Variants in LHFPL4 observed in about 807,000 individuals in gnomAD.
The protein encoded by LHFPL4 is LHFPL tetraspan subfamily member 4 protein.
In LHFPL4, 6 loss-of-function variants were observed where a neutral mutation model predicts 20.0. The ratio of observed to expected loss-of-function variants is 0.30; its 90% confidence interval spans 0.16 to 0.59. LHFPL4 has a LOEUF of 0.59. Among genes scored for constraint, LHFPL4 ranks in the 20% least tolerant of loss-of-function variants. The pLI is 0.88. For synonymous variants in LHFPL4, 129 were observed against 143.8 expected, an observed-to-expected ratio of 0.90 and a Z score of 0.74; for missense variants, 215 against 331.2, an observed-to-expected ratio of 0.65 and a Z score of 2.72.
intron 2 of LHFPL4, among the ~76,000 whole-genome samples, chr3:9,514,639 A>G (rs779974731): frequency 4.6e-5 from 7 of 152,200 alleles, no homozygotes; most frequent in South Asian, 2.1e-4. Flanking sequence ...TGCCCTAAAA[A>G]ATCCTCTGTG....
intron 2 of LHFPL4, among the ~76,000 whole-genome samples, chr3:9,543,941 T>C (rs2046495300): frequency 6.6e-6 from 1 of 152,040 alleles, no homozygotes; most frequent in Admixed American, 6.6e-5. Context: ...CAGGCTGGTC[T>C]CAAACTCCTG....
intron 2 of LHFPL4, among the ~76,000 whole-genome samples, chr3:9,552,010 T>C (rs1317401729): frequency 2.6e-5 from 4 of 152,080 alleles, no homozygotes; most frequent in African/African-American, 9.7e-5. Context: ...ACTAACTTAA[T>C]GCTAACCGAG....
chr3:9,551,744 T>C (rs1486158936), intron 2 of LHFPL4, among the ~76,000 whole-genome samples: 1 of 152,106 alleles, frequency 6.6e-6, no homozygotes, highest in African/African-American at 2.4e-5. Context: ...TCACAGCATT[T>C]TAAAGGTTAC....
intron 2 of LHFPL4, among the ~76,000 whole-genome samples, chr3:9,548,321 C>T (rs2046530543): frequency 6.6e-6 from 1 of 152,170 alleles, no homozygotes; most frequent in South Asian, 2.1e-4. Context: ...ATAATGATAA[C>T]AGTCATAGCA....
At chr3:9,536,192 G>A (rs2046443269) in intron 2 of LHFPL4, among the ~76,000 whole-genome samples, 1 of 152,222 alleles carries the variant, frequency 6.6e-6, no homozygotes, top group Non-Finnish European at 1.5e-5. Flanking sequence ...GGAGAAGGAA[G>A]TTCGGGAAGT....
intron 2 of LHFPL4, among the ~76,000 whole-genome samples, chr3:9,533,597 ATG>A (rs2046425014): frequency 6.6e-6 from 1 of 152,204 alleles, no homozygotes; most frequent in Non-Finnish European, 1.5e-5. Context: ...CCTGGCTAAC[ATG>A]ATGAAACCCC....
At chr3:9,526,807 G>C (rs1030385437) in intron 2 of LHFPL4, among the ~76,000 whole-genome samples, 1 of 152,188 alleles carries the variant, frequency 6.6e-6, no homozygotes, top group Non-Finnish European at 1.5e-5. Context: ...ACAAAGGAAG[G>C]CTGACAGCCA....
intron 2 of LHFPL4, among the ~76,000 whole-genome samples, chr3:9,530,969 T>A (rs568128629): frequency 1.2e-4 from 19 of 152,284 alleles, no homozygotes; most frequent in African/African-American, 4.3e-4. Context: ...TTAGAGGCCA[T>A]AACAGGGTTA....
At chr3:9,502,337 G>A (rs774477822) in intron 3 of LHFPL4, 26 bp from the exon 4 acceptor site, 2 of 1,405,462 alleles carry the variant, frequency 1.4e-6, no homozygotes, top group Non-Finnish European at 2.0e-6. Flanking sequence ...AGAGAGAGAA[G>A]GAGAGAGAAT....
At chr3:9,510,123 TGC>T (rs1394118369) in intron 2 of LHFPL4, among the ~76,000 whole-genome samples, 1 of 152,202 alleles carries the variant, frequency 6.6e-6, no homozygotes, top group African/African-American at 2.4e-5. Flanking sequence ...ACCCACCAGA[TGC>T]CAGGGGCACC....
intron 2 of LHFPL4, among the ~76,000 whole-genome samples, chr3:9,527,036 A>G (rs1172699181): frequency 1.3e-5 from 2 of 152,142 alleles, no homozygotes; most frequent in African/African-American, 4.8e-5. Context: ...GGAAGGAGAC[A>G]GAAGGAAGGA....
At chr3:9,519,534 C>T (rs981709653) in intron 2 of LHFPL4, among the ~76,000 whole-genome samples, 4 of 152,142 alleles carry the variant, frequency 2.6e-5, no homozygotes, top group African/African-American at 7.2e-5. Flanking sequence ...GATGCTCTAA[C>T]TTTTGTTTCT....
chr3:9,535,217 G>C (rs1401627249), intron 2 of LHFPL4, among the ~76,000 whole-genome samples: 1 of 152,220 alleles, frequency 6.6e-6, no homozygotes, highest in African/African-American at 2.4e-5. Flanking sequence ...TGTTCACACA[G>C]TGACAGCAAA....
At chr3:9,509,275 G>C (rs1438050576) in intron 2 of LHFPL4, among the ~76,000 whole-genome samples, 1 of 130,876 alleles carries the variant, frequency 7.6e-6, no homozygotes, top group Non-Finnish European at 1.5e-5. Flanking sequence ...TGTCTACCTA[G>C]TGCTCAAGTC....
intron 2 of LHFPL4, among the ~76,000 whole-genome samples, chr3:9,509,247 CTCT>C (rs2046241630): frequency 1.6e-5 from 2 of 126,028 alleles, no homozygotes; most frequent in East Asian, 2.8e-4. Context: ...TCGCACCCCC[CTCT>C]CTCTCTCTCT....
chr3:9,521,027 A>G (rs2046333769), intron 2 of LHFPL4, among the ~76,000 whole-genome samples: 1 of 152,212 alleles, frequency 6.6e-6, no homozygotes, highest in South Asian at 2.1e-4. Flanking sequence ...CTACAAGAGT[A>G]GATGCATCTA....
chr3:9,510,269 T>A (rs1042201729), intron 2 of LHFPL4, among the ~76,000 whole-genome samples: 2 of 151,750 alleles, frequency 1.3e-5, no homozygotes, highest in African/African-American at 4.8e-5. Flanking sequence ...TGGGGCAACA[T>A]GGTGAAAACA....
At chr3:9,505,354 A>G (rs533759457) in intron 3 of LHFPL4, among the ~76,000 whole-genome samples, 2 of 150,614 alleles carry the variant, frequency 1.3e-5, no homozygotes, top group South Asian at 4.2e-4. Flanking sequence ...CTGCAGCCTC[A>G]ACCTTCTCAG....
chr3:9,505,148 A>G (rs1404494993), intron 3 of LHFPL4, among the ~76,000 whole-genome samples: 2 of 152,146 alleles, frequency 1.3e-5, no homozygotes, highest in African/African-American at 4.8e-5. Flanking sequence ...AACGCTTCTC[A>G]TGGGTTTGTA....
Sources: allele counts gnomAD v4.1 joint callset (sites outside exome capture counted in the v4.1 genomes callset), GRCh38; gene constraint gnomAD v4.1.1; transcripts MANE v1.5; gene names NCBI Gene and HGNC (gene_info 2026-07-23, HGNC 2026-07-21).